PSMA1: variants seen among roughly 807,000 people sequenced by gnomAD.
The protein encoded by PSMA1 is proteasome subunit alpha type-1.
PSMA1 carries 3 observed loss-of-function variants against 38.4 expected under a neutral mutation model. The ratio of observed to expected loss-of-function variants is 0.08; its 90% CI spans 0.04 to 0.20. The LOEUF is 0.20. PSMA1 is among the 10% of genes least tolerant of loss of function. The pLI is 1.00. For missense variants in PSMA1, 227 were observed against 325.3 expected, an observed-to-expected ratio of 0.70 and a Z score of 2.32; for synonymous variants, 101 against 107.1, an observed-to-expected ratio of 0.94 and a Z score of 0.35.
intron 2 of PSMA1, among the ~76,000 whole-genome samples, chr11:14,558,871 C>A (rs143549358): frequency 6.6e-6 from 1 of 152,198 alleles, no homozygotes; most frequent in Admixed American, 6.5e-5. Flanking sequence ...TATAGTGGGC[C>A]TTTACAAAAC....
chr11:14,574,369 C>G (rs2134179867), intron 2 of PSMA1, among the ~76,000 whole-genome samples: 1 of 152,340 alleles, frequency 6.6e-6, no homozygotes, highest in African/African-American at 2.4e-5. Flanking sequence ...TACCCAGGTA[C>G]TTGGGCTGCT....
chr11:14,578,453 C>T lies in PSMA1; in HGVS notation c.21+32513G>A, dbSNP rs189377031. 6.7e-4 allele frequency among the ~76,000 whole-genome samples: 102 copies of T among 152,194 alleles called. No individual in the cohort carries two copies. The East Asian group carries it at 0.011, about 16-fold the overall frequency. On this transcript the variant is annotated intron_variant, in intron 2 of 10. Coordinates refer to the PSMA1 transcript ENST00000418988. ...TTCTTGATACAGACATGATACCTGA[C>T]GTGTTATTACTTGTGTTCATCTGAT...
At chr11:14,621,874 T>C (rs182786245) in intron 1 of PSMA1, among the ~76,000 whole-genome samples, 2 of 152,296 alleles carry the variant, frequency 1.3e-5, no homozygotes, top group South Asian at 2.1e-4. Context: ...AAAAATACAA[T>C]TGATAAGATT....
intron 1 of PSMA1, among the ~76,000 whole-genome samples, chr11:14,623,471 C>T (rs937847120): frequency 5.3e-5 from 8 of 152,162 alleles, no homozygotes; most frequent in African/African-American, 1.9e-4. Flanking sequence ...TATATATAGA[C>T]TTGGGAAATA....
At chr11:14,514,004 G>A (rs1324279487) in intron 5 of PSMA1, 117 bp from the exon 6 acceptor site, 6 of 1,360,920 alleles carry the variant, frequency 4.4e-6, no homozygotes, top group Non-Finnish European at 5.7e-6. Flanking sequence ...TAATCCACCA[G>A]AGAAATAATG....
At chr11:14,542,913 C>T (rs759988410) in intron 2 of PSMA1, among the ~76,000 whole-genome samples, 3 of 152,080 alleles carry the variant, frequency 2.0e-5, no homozygotes, top group African/African-American at 4.8e-5. Context: ...TGGAGTGCCG[C>T]GGCAAGATCT....
intron 2 of PSMA1, among the ~76,000 whole-genome samples, chr11:14,541,471 G>A (rs1049099596): frequency 3.3e-5 from 5 of 152,250 alleles, no homozygotes; most frequent in Admixed American, 1.3e-4. Context: ...AAGAGATAGA[G>A]ATTGGCTGCC....
chr11:14,524,676 A>C (rs1482188657), upstream of PSMA1, among the ~76,000 whole-genome samples: 1 of 152,188 alleles, frequency 6.6e-6, no homozygotes, highest in Non-Finnish European at 1.5e-5. Flanking sequence ...TAGTCTCTTC[A>C]CACGGACACG....
At chr11:14,573,239 T>A (rs1484060426) in intron 2 of PSMA1, among the ~76,000 whole-genome samples, 1 of 152,222 alleles carries the variant, frequency 6.6e-6, no homozygotes, top group African/African-American at 2.4e-5. Flanking sequence ...ATATCCCTGA[T>A]GGACATCGAT....
intron 2 of PSMA1, among the ~76,000 whole-genome samples, chr11:14,553,766 A>G (rs1404844620): frequency 6.6e-6 from 1 of 152,228 alleles, no homozygotes; most frequent in East Asian, 1.9e-4. Flanking sequence ...TACTACAAAT[A>G]AACTTACAAT....
intron 2 of PSMA1, among the ~76,000 whole-genome samples, chr11:14,528,080 C>G (rs1235843129): frequency 1.3e-5 from 2 of 151,676 alleles, no homozygotes; most frequent in Admixed American, 6.6e-5. Context: ...TCCAAAATCG[C>G]TGAGGCCTCG....
chr11:14,642,231 T>C (rs1184708778), intron 1 of PSMA1, among the ~76,000 whole-genome samples: 1 of 152,252 alleles, frequency 6.6e-6, no homozygotes, highest in African/African-American at 2.4e-5. Context: ...CGCCCTTCTG[T>C]ACAAACTCAA....
rs566792900 is a variant in PSMA1, at chr11:14,577,524, A to G, written c.21+33442T>C. Among the ~76,000 whole-genome samples, 5 of 152,322 alleles carry G rather than the reference A, an allele frequency of 3.3e-5. No homozygotes were observed. In the South Asian group the frequency reaches 1.0e-3, roughly 32 times the overall value. On this transcript the variant is annotated intron_variant, in intron 2 of 10. Coordinates refer to the PSMA1 transcript ENST00000418988. Reference sequence around the variant, plus strand: ...TCATCTTGAAATCACTAATTCAGGCATCTCACCCTCTGACCAACTTCCTGT... The same window carrying G: ...TCATCTTGAAATCACTAATTCAGGCGTCTCACCCTCTGACCAACTTCCTGT...
intron 1 of PSMA1, among the ~76,000 whole-genome samples, chr11:14,631,431 G>A (rs1193652113): frequency 6.6e-6 from 1 of 152,020 alleles, no homozygotes; most frequent in Non-Finnish European, 1.5e-5. Flanking sequence ...ATACCCAGTA[G>A]TCATTCAGGA....
intron 2 of PSMA1, among the ~76,000 whole-genome samples, chr11:14,608,108 T>A (rs1852664864): frequency 6.6e-6 from 1 of 152,000 alleles, no homozygotes; most frequent in Admixed American, 6.6e-5. Flanking sequence ...TCCTAGTACT[T>A]TGGGAGGCTG....
chr11:14,642,246 T>C (rs1853218131), intron 1 of PSMA1, among the ~76,000 whole-genome samples: 1 of 152,260 alleles, frequency 6.6e-6, no homozygotes, highest in Non-Finnish European at 1.5e-5. Context: ...ACTCAAAATG[T>C]ATCCATTTTT....
intron 1 of PSMA1, among the ~76,000 whole-genome samples, chr11:14,637,732 C>T (rs1013012673): frequency 3.9e-5 from 6 of 152,102 alleles, no homozygotes; most frequent in Non-Finnish European, 8.8e-5. Flanking sequence ...ATATATAAAA[C>T]ATTTCTGCAT....
Position 14,505,086 on chromosome 11 carries a change from T to C in PSMA1, c.*106A>G. ...CTGGACTGATTCCTAAAACATAGCA[T>C]TCCACCACTCTGCAACTTTTGGTTC... On this transcript the variant is annotated 3_prime_UTR_variant, in exon 10 of 10. Coordinates refer to ENST00000396394, the MANE Select transcript of PSMA1 (RefSeq NM_002786.4). The C allele has an allele frequency of 9.7e-7, 1 of 1,032,552 alleles. No homozygotes were observed. Among genetic ancestry groups the C allele is most frequent in the Non-Finnish European group, 1.5e-6 (1 of 656,260 alleles). The allele number at this position is 1,032,552 out of a possible 1,614,324, so 64.0% of individuals were successfully genotyped here.
At chr11:14,558,046 G>A (rs527656553) in intron 2 of PSMA1, among the ~76,000 whole-genome samples, 1 of 152,108 alleles carries the variant, frequency 6.6e-6, no homozygotes, top group Admixed American at 6.5e-5. Flanking sequence ...CCAGAGAAAT[G>A]GTGCCGATAG....
Sources: allele counts gnomAD v4.1 joint callset (sites outside exome capture counted in the v4.1 genomes callset), GRCh38; gene constraint gnomAD v4.1.1; transcripts MANE v1.5; gene names NCBI Gene and HGNC (gene_info 2026-07-23, HGNC 2026-07-21).